Variants in CD34 observed in about 807,000 individuals in gnomAD.
CD34 encodes hematopoietic progenitor cell antigen CD34.
CD34 carries 34 observed loss-of-function variants against 40.1 expected under a neutral mutation model. The observed-to-expected ratio is 0.85, with a 90% CI of 0.65 to 1.13. CD34 has a LOEUF of 1.13. Among genes scored for constraint, CD34 ranks in the 50% most tolerant of loss-of-function variants. CD34 has a pLI of 0.00. For missense variants in CD34, 426 were observed against 466.9 expected, an observed-to-expected ratio of 0.91 and a Z score of 0.81; for synonymous variants, 209 against 190.0, an observed-to-expected ratio of 1.10 and a Z score of -0.82.
intron 7 of CD34, chr1:207,888,186 G>T (rs1661949469): frequency 6.4e-7 from 1 of 1,568,798 alleles, no homozygotes; most frequent in Non-Finnish European, 8.8e-7. Flanking sequence ...AGCTCCCGCA[G>T]GAAAACGGGC....
At chr1:207,894,214 C>T (rs1662095862) in intron 4 of CD34, among the ~76,000 whole-genome samples, 1 of 152,226 alleles carries the variant, frequency 6.6e-6, no homozygotes, top group Non-Finnish European at 1.5e-5. Flanking sequence ...GAATATCATT[C>T]ATCCTTAAAA....
At chr1:207,908,640 A>G (rs1357736002) in intron 1 of CD34, among the ~76,000 whole-genome samples, 1 of 152,154 alleles carries the variant, frequency 6.6e-6, no homozygotes, top group African/African-American at 2.4e-5. Flanking sequence ...GAAAGCTTGG[A>G]GGAAATAGAT....
Position 207,889,416 on chromosome 1 carries a change from AC to A in CD34, c.754+48del, listed in dbSNP as rs771614135. ...CCCCATCTCCACCCAGGATTCTCTAACCTCAGCCCTACTCCTTCCCTGTTCC... is the reference window on the plus strand; with the variant it reads ...CCCCATCTCCACCCAGGATTCTCTAACTCAGCCCTACTCCTTCCCTGTTCC... On this transcript the variant is annotated intron_variant, in intron 5 of 7. Transcript: ENST00000310833. 9.6e-6 allele frequency: 15 copies of A among 1,569,574 alleles called. No individual in the cohort carries two copies. The East Asian group carries it at 3.4e-4, about 35-fold the overall frequency.
intron 4 of CD34, among the ~76,000 whole-genome samples, chr1:207,893,453 C>G (rs1662077027): frequency 6.6e-6 from 1 of 152,050 alleles, no homozygotes; most frequent in African/African-American, 2.4e-5. Flanking sequence ...GCTATTTTCA[C>G]ATAGAAAATG....
At chr1:207,893,288 G>C (rs1284664872) in intron 4 of CD34, among the ~76,000 whole-genome samples, 1 of 152,012 alleles carries the variant, frequency 6.6e-6, no homozygotes, top group African/African-American at 2.4e-5. Context: ...CGGAGATGGG[G>C]GTGAGGGAGG....
Position 207,911,096 on chromosome 1 carries a change from C to G in CD34, c.-16G>C, listed in dbSNP as rs760059829. The G allele has an allele frequency of 5.8e-6, 9 of 1,563,810 alleles. No homozygotes were observed. Among genetic ancestry groups the G allele is most frequent in the Non-Finnish European group, 7.8e-6 (9 of 1,158,338 alleles). ...GGACCAGCATCCTTCCCGCGCGGCT[C>G]CTAGAGAGACGCACCGAGTGGAAGA... On this transcript the variant is annotated 5_prime_UTR_variant, in exon 1 of 8. Transcript: ENST00000310833.
chr1:207,905,745 C>G (rs148496816), intron 1 of CD34, among the ~76,000 whole-genome samples: 3,316 of 152,286 alleles, frequency 0.022, 46 homozygotes, highest in Middle Eastern at 0.054. Context: ...CCTCATGTGA[C>G]AGGTCACAGT....
chr1:207,889,868 A>C, intron 4 of CD34: 1 of 1,556,900 alleles, frequency 6.4e-7, no homozygotes, highest in Non-Finnish European at 8.6e-7. Flanking sequence ...TTAGAGAACA[A>C]ACTTAAAAAA....
At chr1:207,906,777 G>A (rs1662391197) in intron 1 of CD34, among the ~76,000 whole-genome samples, 1 of 152,100 alleles carries the variant, frequency 6.6e-6, no homozygotes, top group Admixed American at 6.5e-5. Flanking sequence ...CTGGGAGGCA[G>A]AGGTTGCGGT....
chr1:207,892,493 C>T (rs1447300275), intron 4 of CD34, among the ~76,000 whole-genome samples: 1 of 151,900 alleles, frequency 6.6e-6, no homozygotes, highest in African/African-American at 2.4e-5. Flanking sequence ...GCACGAGAAT[C>T]GCTTGAACCC....
chr1:207,895,030 G>A (rs1210073089), intron 4 of CD34, among the ~76,000 whole-genome samples: 1 of 152,152 alleles, frequency 6.6e-6, no homozygotes, highest in Non-Finnish European at 1.5e-5. Context: ...GTGATGCTCG[G>A]GGAAACCAAA....
At chr1:207,909,163 C>G (rs1296542612) in intron 1 of CD34, among the ~76,000 whole-genome samples, 1 of 152,160 alleles carries the variant, frequency 6.6e-6, no homozygotes, top group Non-Finnish European at 1.5e-5. Flanking sequence ...TCCCTCCCCA[C>G]CAAAAGCTGG....
Position 207,887,580 on chromosome 1 carries a change from C to A in CD34, c.*158G>T. 3 of 1,010,502 alleles carry A rather than the reference C, an allele frequency of 3.0e-6. No individual in the cohort carries two copies. In the South Asian group the frequency reaches 5.0e-5, roughly 17 times the overall value. The allele number at this position is 1,010,502 out of a possible 1,614,324, so 62.6% of individuals were successfully genotyped here. On this transcript the variant is annotated 3_prime_UTR_variant, in exon 8 of 8. Coordinates refer to ENST00000310833, the MANE Select transcript of CD34 (RefSeq NM_001025109.2). ...AAAGGACAGGAGTTTACCTGCCCCT[C>A]CTCAAGGTGTAGGGCCCCAAGAACA...
intron 6 of CD34, 128 bp downstream of exon 6, chr1:207,889,028 TCAAGA>T: frequency 1.1e-6 from 1 of 881,492 alleles, no homozygotes; most frequent in Non-Finnish European, 1.8e-6. Context: ...CATTTTTGGT[TCAAGA>T]CTAGAAAGGA....
intron 4 of CD34, among the ~76,000 whole-genome samples, chr1:207,893,170 A>C (rs1271804361): frequency 2.6e-5 from 4 of 152,170 alleles, no homozygotes; most frequent in Non-Finnish European, 5.9e-5. Context: ...TCCTAACTAC[A>C]TCAGCTCACA....
chr1:207,891,542 G>T (rs763631403), intron 4 of CD34, among the ~76,000 whole-genome samples: 4 of 151,846 alleles, frequency 2.6e-5, no homozygotes, highest in Non-Finnish European at 4.4e-5. Context: ...ATTCAACCGG[G>T]TGTGGTGGCA....
At chr1:207,891,907 G>A (rs1237969916) in intron 4 of CD34, among the ~76,000 whole-genome samples, 2 of 152,170 alleles carry the variant, frequency 1.3e-5, no homozygotes, top group African/African-American at 2.4e-5. Flanking sequence ...GTGAGGACAC[G>A]TCTGGTTAAG....
At chr1:207,897,419 T>G in intron 4 of CD34, 74 bp downstream of exon 4, 1 of 1,107,216 alleles carries the variant, frequency 9.0e-7, no homozygotes, top group Non-Finnish European at 1.3e-6. Context: ...TCCAAGAAGG[T>G]TTAAGGGTGT....
At chr1:207,900,735 A>G (rs2102303091) in intron 1 of CD34, among the ~76,000 whole-genome samples, 1 of 152,262 alleles carries the variant, frequency 6.6e-6, no homozygotes, top group African/African-American at 2.4e-5. Context: ...TTTCTCATCA[A>G]TGTAGTGGGA....
Sources: gnomAD v4.1 joint callset for allele counts (sites outside exome capture counted in the v4.1 genomes callset) on GRCh38, gnomAD v4.1.1 for gene constraint, MANE v1.5 for transcripts, NCBI Gene and HGNC (gene_info 2026-07-23, HGNC 2026-07-21) for gene names.